Variants in NR1H4 observed in about 807,000 individuals in gnomAD.
NR1H4 encodes nuclear receptor subfamily 1 group H member 4.
Under a neutral mutation model 58.5 loss-of-function variants are expected in NR1H4, and 23 were observed. The observed-to-expected ratio is 0.39, with a 90% confidence interval of 0.28 to 0.56. The LOEUF is 0.56. NR1H4 is among the 20% of genes least tolerant of loss of function. The pLI is 0.58. For synonymous variants in NR1H4, 214 were observed against 198.0 expected (o/e 1.08, Z -0.68); for missense variants, 487 against 576.9 (o/e 0.84, Z 1.60).
chr12:100,561,407 AAAAT>A (rs958016717), intron 9 of NR1H4, among the ~76,000 whole-genome samples: 27 of 147,898 alleles, frequency 1.8e-4, no homozygotes, highest in Non-Finnish European at 2.5e-4. Context: ...CAAAAAAAAT[AAAAT>A]AAATAAATAA....
intron 7 of NR1H4, 83 bp downstream of exon 7, chr12:100,536,693 T>A: frequency 1.3e-6 from 1 of 799,188 alleles, no homozygotes; most frequent in Non-Finnish European, 2.1e-6. Flanking sequence ...AATTTATATG[T>A]GAATATGTTA....
intron 8 of NR1H4, among the ~76,000 whole-genome samples, chr12:100,538,271 G>A (rs1330077520): frequency 6.6e-6 from 1 of 152,138 alleles, no homozygotes; most frequent in Non-Finnish European, 1.5e-5. Context: ...TCAGGTTCAT[G>A]TAAGATGAAT....
intron 3 of NR1H4, among the ~76,000 whole-genome samples, chr12:100,503,715 A>C (rs1349428219): frequency 2.0e-5 from 3 of 152,202 alleles, no homozygotes; most frequent in Non-Finnish European, 2.9e-5. Context: ...TGTTTCCCCT[A>C]ATATTCTTCA....
chr12:100,548,424 T>C (rs1955129899), intron 9 of NR1H4, among the ~76,000 whole-genome samples: 1 of 151,932 alleles, frequency 6.6e-6, no homozygotes. Flanking sequence ...TAGAGATGAT[T>C]TGCATCCCCT....
intron 9 of NR1H4, among the ~76,000 whole-genome samples, chr12:100,545,344 A>G (rs1186139077): frequency 6.6e-6 from 1 of 152,054 alleles, no homozygotes; most frequent in Non-Finnish European, 1.5e-5. Context: ...ATGTTTATAG[A>G]AAGGCATATA....
At chr12:100,489,715 A>C (rs1022779276) in intron 1 of NR1H4, among the ~76,000 whole-genome samples, 2 of 152,232 alleles carry the variant, frequency 1.3e-5, no homozygotes, top group Non-Finnish European at 2.9e-5. Context: ...ATACACAAAG[A>C]ATTAGCAATT....
chr12:100,506,001 T>C (rs957829219), intron 3 of NR1H4, among the ~76,000 whole-genome samples: 2 of 118,562 alleles, frequency 1.7e-5, no homozygotes, highest in African/African-American at 7.1e-5. Context: ...CAAGTGTTTA[T>C]AACACACACA....
chr12:100,527,251 G>A (rs144226426), intron 4 of NR1H4, among the ~76,000 whole-genome samples: 389 of 152,342 alleles, frequency 2.6e-3, no homozygotes, highest in African/African-American at 9.0e-3. Flanking sequence ...GAGTCAGGTG[G>A]GCACAGTGGC....
At chr12:100,537,175 C>T (rs1216432706) in intron 8 of NR1H4, 128 bp downstream of exon 8, 2 of 659,344 alleles carry the variant, frequency 3.0e-6, no homozygotes, top group East Asian at 5.4e-5. Context: ...TCTATTTTCA[C>T]TATTACTTTG....
chr12:100,503,513 A>G (rs891754942), intron 3 of NR1H4: 1 of 1,568,774 alleles, frequency 6.4e-7, no homozygotes, highest in African/African-American at 1.3e-5. Flanking sequence ...CACTGTTCAC[A>G]GGTGCTTTCA....
intron 9 of NR1H4, among the ~76,000 whole-genome samples, chr12:100,561,186 G>A (rs1383367240): frequency 2.0e-5 from 3 of 151,930 alleles, no homozygotes; most frequent in Non-Finnish European, 4.4e-5. Flanking sequence ...CACGAGGTCA[G>A]GAGATCAAGA....
intron 5 of NR1H4, 121 bp from the exon 6 acceptor site, chr12:100,534,769 C>G (rs961002336): frequency 2.0e-5 from 22 of 1,106,702 alleles, no homozygotes; most frequent in Admixed American, 9.1e-5. Context: ...AAAAGGCTAG[C>G]GTTAGTTCTG....
intron 1 of NR1H4, among the ~76,000 whole-genome samples, chr12:100,477,350 A>G (rs1953292800): frequency 6.6e-6 from 1 of 151,992 alleles, no homozygotes; most frequent in Non-Finnish European, 1.5e-5. Flanking sequence ...ATAAATAAGT[A>G]TAAATATAAA....
chr12:100,513,801 A>G (rs569686890), intron 4 of NR1H4, among the ~76,000 whole-genome samples: 11 of 115,906 alleles, frequency 9.5e-5, no homozygotes, highest in South Asian at 8.9e-4. Context: ...TCAAAGACAG[A>G]AAGGAAGGAA....
At chr12:100,563,203 G>C (rs1459298222) in intron 10 of NR1H4, 48 bp from the exon 11 acceptor site, 2 of 1,398,522 alleles carry the variant, frequency 1.4e-6, no homozygotes, top group African/African-American at 2.8e-5. Flanking sequence ...CTGAATTAAT[G>C]CTTTTCCACT....
intron 1 of NR1H4, among the ~76,000 whole-genome samples, chr12:100,486,045 A>G (rs1020951355): frequency 6.6e-6 from 1 of 151,996 alleles, no homozygotes; most frequent in Non-Finnish European, 1.5e-5. Flanking sequence ...CCTATGAAAG[A>G]TTCACTTTTT....
intron 2 of NR1H4, 34 bp downstream of exon 2, chr12:100,492,671 T>C (rs1351227089): frequency 6.6e-6 from 1 of 152,144 alleles, no homozygotes; most frequent in African/African-American, 2.4e-5. Flanking sequence ...TCTTACTATA[T>C]CTTTTTAAAA....
chr12:100,505,993 AGT>A (rs1357195293), intron 3 of NR1H4, among the ~76,000 whole-genome samples: 1 of 145,470 alleles, frequency 6.9e-6, no homozygotes, highest in East Asian at 2.0e-4. Context: ...CTAAATAGCA[AGT>A]GTTTATAACA....
chr12:100,538,182 G>A lies in NR1H4; in HGVS notation c.931+1135G>A, dbSNP rs182118440. Among the ~76,000 whole-genome samples, 7 of 152,268 alleles carry A rather than the reference G, an allele frequency of 4.6e-5. No homozygotes were observed. In the East Asian group the frequency reaches 1.4e-3, roughly 29 times the overall value. ...GGCCTAACTAAGGAATTTAATCTGTGTACCCTGGACAGTAAAGAGATTTCG... is the reference window on the plus strand; with the variant it reads ...GGCCTAACTAAGGAATTTAATCTGTATACCCTGGACAGTAAAGAGATTTCG... On this transcript the variant is annotated intron_variant, in intron 8 of 10. Coordinates refer to ENST00000392986, the MANE Select transcript of NR1H4 (RefSeq NM_001206979.2).
Sources: allele counts gnomAD v4.1 joint callset (sites outside exome capture counted in the v4.1 genomes callset), GRCh38; gene constraint gnomAD v4.1.1; transcripts MANE v1.5; gene names NCBI Gene and HGNC (gene_info 2026-07-23, HGNC 2026-07-21).